RSRC1: variants seen among roughly 807,000 people sequenced by gnomAD.
RSRC1 encodes arginine and serine rich coiled-coil 1.
In RSRC1, 39 loss-of-function variants were observed where a neutral mutation model predicts 49.1. The ratio of observed to expected loss-of-function variants is 0.79; its 90% CI spans 0.61 to 1.04. The LOEUF is 1.04. Among genes scored for constraint, RSRC1 ranks in the 50% least tolerant of loss-of-function variants. The pLI, the probability that RSRC1 is intolerant of heterozygous loss-of-function variation, is 0.00. For missense variants in RSRC1, 388 were observed against 402.4 expected (o/e 0.96, Z 0.31); for synonymous variants, 143 against 130.8 (o/e 1.09, Z -0.63).
intron 4 of RSRC1, among the ~76,000 whole-genome samples, chr3:158,270,491 A>T (rs1725451240): frequency 6.6e-6 from 1 of 152,120 alleles, no homozygotes; most frequent in Non-Finnish European, 1.5e-5. Flanking sequence ...AATGTCACAG[A>T]TTGGTTTTAC....
chr3:158,362,943 C>T (rs180969091), intron 6 of RSRC1, among the ~76,000 whole-genome samples: 1 of 152,282 alleles, frequency 6.6e-6, no homozygotes, highest in Non-Finnish European at 1.5e-5. Context: ...TTGACACATG[C>T]ACCTTTAAAA....
intron 4 of RSRC1, among the ~76,000 whole-genome samples, chr3:158,241,246 G>A (rs1723558738): frequency 6.6e-6 from 1 of 152,012 alleles, no homozygotes; most frequent in South Asian, 2.1e-4. Flanking sequence ...CCAGGAGTTC[G>A]CGACCAGCCT....
intron 6 of RSRC1, among the ~76,000 whole-genome samples, chr3:158,439,980 A>T (rs140674098): frequency 3.1e-4 from 47 of 152,144 alleles, no homozygotes; most frequent in African/African-American, 1.1e-3. Context: ...AAAAAAGGCA[A>T]GGGGAGGGAG....
intron 3 of RSRC1, among the ~76,000 whole-genome samples, chr3:158,178,336 C>T (rs1400843715): frequency 6.6e-6 from 1 of 152,052 alleles, no homozygotes; most frequent in Non-Finnish European, 1.5e-5. Context: ...GATGGGGTTT[C>T]ACCATGTTGG....
At chr3:158,364,303 G>A (rs1363861570) in intron 6 of RSRC1, among the ~76,000 whole-genome samples, 1 of 151,288 alleles carries the variant, frequency 6.6e-6, no homozygotes, top group Non-Finnish European at 1.5e-5. Context: ...ACTATCTATG[G>A]CTCCGAGAAA....
chr3:158,471,375 A>G (rs1334140238), intron 7 of RSRC1, among the ~76,000 whole-genome samples: 2 of 152,162 alleles, frequency 1.3e-5, no homozygotes, highest in African/African-American at 4.8e-5. Context: ...AAATTAATAT[A>G]CATGAAGCCC....
intron 7 of RSRC1, among the ~76,000 whole-genome samples, chr3:158,518,126 G>GTGTATA (rs1452849483): frequency 2.9e-5 from 2 of 68,840 alleles, no homozygotes; most frequent in Non-Finnish European, 5.0e-5. Context: ...GTGTGTGTGT[G>GTGTATA]TATATATATA....
At chr3:158,431,449 GTTTTC>G (rs1237526955) in intron 6 of RSRC1, among the ~76,000 whole-genome samples, 6 of 151,786 alleles carry the variant, frequency 4.0e-5, no homozygotes, top group South Asian at 4.2e-4. Flanking sequence ...TATTTAGAAA[GTTTTC>G]TTTTCATTTA....
At chr3:158,526,890 T>A (rs1332579701) in intron 7 of RSRC1, among the ~76,000 whole-genome samples, 1 of 151,964 alleles carries the variant, frequency 6.6e-6, no homozygotes, top group Non-Finnish European at 1.5e-5. Context: ...CTGCTTTTCC[T>A]TGCATAATAA....
intron 4 of RSRC1, among the ~76,000 whole-genome samples, chr3:158,285,649 A>C (rs980933336): frequency 2.6e-5 from 4 of 151,984 alleles, no homozygotes; most frequent in African/African-American, 4.8e-5. Context: ...ATTCTCTTTG[A>C]AGCAATTGTG....
intron 3 of RSRC1, among the ~76,000 whole-genome samples, chr3:158,201,649 G>A (rs1307624670): frequency 1.3e-5 from 2 of 151,980 alleles, no homozygotes; most frequent in Non-Finnish European, 2.9e-5. Context: ...ATCTCATCCA[G>A]CATAATTTTA....
chr3:158,231,281 G>C (rs929365797), intron 4 of RSRC1, among the ~76,000 whole-genome samples: 1 of 150,858 alleles, frequency 6.6e-6, no homozygotes, highest in South Asian at 2.1e-4. Flanking sequence ...GATTACAGGT[G>C]CGTGCCACCA....
At chr3:158,142,591 G>A (rs1372186095) in intron 3 of RSRC1, among the ~76,000 whole-genome samples, 2 of 152,198 alleles carry the variant, frequency 1.3e-5, no homozygotes, top group Non-Finnish European at 2.9e-5. Context: ...TATAAACGTG[G>A]TGAAAGGTGA....
chr3:158,284,966 C>G (rs1049983662), intron 4 of RSRC1, among the ~76,000 whole-genome samples: 9 of 152,194 alleles, frequency 5.9e-5, no homozygotes, highest in African/African-American at 2.2e-4. Context: ...GAAGTCCTTA[C>G]TCATGCCTAT....
At position 158,229,289 on chromosome 3, in the gene RSRC1, C is replaced by CGTATATGTGTATGTAAGTATATAAACAT. The variant is rs1553771830; in HGVS notation, c.494+26044_494+26045insGTATATGTGTATGTAAGTATATAAACAT. On this transcript the variant is annotated intron_variant, in intron 4 of 9. Transcript: ENST00000611884. ...GTGTATGTATGTATATAAACATACA[C>CGTATATGTGTATGTAAGTATATAAACAT]ACACGTATATGTGTATGTATGTATA... 4.8e-5 allele frequency among the ~76,000 whole-genome samples: 2 copies of CGTATATGTGTATGTAAGTATATAAACAT among 41,866 alleles called. 1 individual carries two copies. Among genetic ancestry groups the CGTATATGTGTATGTAAGTATATAAACAT allele is most frequent in the African/African-American group, 2.4e-4 (2 of 8,390 alleles). 27.5% of individuals were successfully genotyped at this position (41,866 alleles called of 152,430 possible).
chr3:158,423,996 T>C (rs1273228786), intron 6 of RSRC1, among the ~76,000 whole-genome samples: 3 of 150,996 alleles, frequency 2.0e-5, no homozygotes, highest in Non-Finnish European at 3.0e-5. Context: ...GTTTTCTAGA[T>C]ATACAATCAT....
intron 5 of RSRC1, among the ~76,000 whole-genome samples, chr3:158,333,978 T>C (rs905417095): frequency 3.9e-5 from 6 of 152,196 alleles, no homozygotes; most frequent in African/African-American, 1.4e-4. Context: ...GTGGGAAGTA[T>C]TATTTTAAAC....
At chr3:158,462,512 A>G (rs1326841222) in intron 7 of RSRC1, among the ~76,000 whole-genome samples, 2 of 151,972 alleles carry the variant, frequency 1.3e-5, no homozygotes, top group Non-Finnish European at 2.9e-5. Flanking sequence ...TCAGATCTTA[A>G]TTGGAATCTT....
intron 6 of RSRC1, among the ~76,000 whole-genome samples, chr3:158,424,700 A>C (rs1322976410): frequency 6.6e-6 from 1 of 151,976 alleles, no homozygotes; most frequent in Non-Finnish European, 1.5e-5. Flanking sequence ...CTGTGAATCC[A>C]TCTGGTCCTG....
Sources: allele counts gnomAD v4.1 joint callset (sites outside exome capture counted in the v4.1 genomes callset), GRCh38; gene constraint gnomAD v4.1.1; transcripts MANE v1.5; gene names NCBI Gene and HGNC (gene_info 2026-07-23, HGNC 2026-07-21).